Variants in AK7 observed in about 807,000 individuals in gnomAD.
The protein encoded by AK7 is adenylate kinase 7.
A neutral mutation model predicts 96.6 loss-of-function variants in AK7; 78 were observed. The observed-to-expected ratio is 0.81, with a 90% CI of 0.67 to 0.97. The LOEUF (loss-of-function observed/expected upper bound fraction) is 0.97, where lower values mean the gene tolerates loss of function less well. AK7 is among the 50% of genes least tolerant of loss of function. The probability of loss-of-function intolerance (pLI) is 0.00; values close to 1 mark genes in which losing one functional copy is unlikely to be tolerated. For missense variants in AK7, 855 were observed against 887.9 expected (o/e 0.96, Z 0.47); for synonymous variants, 302 against 317.2 (o/e 0.95, Z 0.51).
intron 8 of AK7, 98 bp from the exon 9 acceptor site, chr14:96,449,704 G>A: frequency 1.2e-6 from 1 of 855,600 alleles, no homozygotes; most frequent in East Asian, 2.8e-5. Context: ...AAAGTGCTGG[G>A]ATTACAGGCG....
At chr14:96,437,974 A>G in intron 6 of AK7, 59 bp downstream of exon 6, 1 of 1,504,698 alleles carries the variant, frequency 6.6e-7, no homozygotes, top group East Asian at 2.3e-5. Context: ...CAGATACGCA[A>G]TTTGAAGGTG....
At chr14:96,480,439 A>G (rs1468239452) in intron 15 of AK7, among the ~76,000 whole-genome samples, 1 of 152,096 alleles carries the variant, frequency 6.6e-6, no homozygotes, top group Admixed American at 6.5e-5. Context: ...CAAAAAAAAA[A>G]AAAGAAATAC....
At position 96,456,884 on chromosome 14, in the gene AK7, C is replaced by T. The variant is rs529897270; in HGVS notation, c.1227+409C>T. The T allele has an allele frequency of 8.2e-4, 159 of 192,768 alleles. 2 individuals are homozygous for T. Among genetic ancestry groups the T allele is most frequent in the African/African-American group, 3.5e-3 (152 of 42,906 alleles). The allele number at this position is 192,768 out of a possible 1,614,324, so 11.9% of individuals were successfully genotyped here. A position where few individuals can be genotyped will look rare whatever the true frequency, so the allele number is the denominator to read the frequency against. On this transcript the variant is annotated intron_variant, in intron 11 of 17. Transcript: ENST00000267584. ...CTTGGGAGGATGTCTGGGCTGCCCC[C>T]GGAGCCACAGTGTCCTGGGACACCA...
At chr14:96,422,271 G>C (rs1196731002) in intron 5 of AK7, among the ~76,000 whole-genome samples, 1 of 152,210 alleles carries the variant, frequency 6.6e-6, no homozygotes, top group Non-Finnish European at 1.5e-5. Flanking sequence ...TTCTAACAGA[G>C]CCTTAAAACA....
intron 15 of AK7, among the ~76,000 whole-genome samples, chr14:96,482,240 C>A (rs1319821260): frequency 1.3e-5 from 2 of 151,380 alleles, no homozygotes; most frequent in African/African-American, 4.9e-5. Context: ...TCTATAAAAA[C>A]AAAACAAAAC....
intron 16 of AK7, among the ~76,000 whole-genome samples, chr14:96,485,569 G>C (rs574833379): frequency 2.0e-5 from 3 of 152,316 alleles, no homozygotes; most frequent in Non-Finnish European, 2.9e-5. Context: ...CTGGCAAGTA[G>C]TGTGCATCAC....
At chr14:96,460,306 C>T (rs941723826) in intron 12 of AK7, among the ~76,000 whole-genome samples, 2 of 152,194 alleles carry the variant, frequency 1.3e-5, no homozygotes, top group Non-Finnish European at 2.9e-5. Context: ...GTATCGCCTT[C>T]GGACTCATCT....
chr14:96,446,141 C>G (rs1893218042), intron 7 of AK7, among the ~76,000 whole-genome samples: 1 of 151,578 alleles, frequency 6.6e-6, no homozygotes, highest in East Asian at 1.9e-4. Context: ...CACACGAGCC[C>G]CTAGATGGGG....
chr14:96,404,051 T>C (rs1436801492), intron 2 of AK7, among the ~76,000 whole-genome samples: 1 of 149,532 alleles, frequency 6.7e-6, no homozygotes, highest in Non-Finnish European at 1.5e-5. Context: ...GGCTGAGGTA[T>C]GAGAACCACT....
At chr14:96,471,656 C>T (rs1183383302) in intron 13 of AK7, 50 bp downstream of exon 13, 2 of 1,392,126 alleles carry the variant, frequency 1.4e-6, no homozygotes, top group Non-Finnish European at 9.5e-7. Context: ...TAAGTTGCAA[C>T]TTTATTGTTC....
chr14:96,407,326 G>T (rs1890765056), intron 3 of AK7, among the ~76,000 whole-genome samples: 2 of 152,158 alleles, frequency 1.3e-5, no homozygotes, highest in South Asian at 4.1e-4. Context: ...ACTAAAAATA[G>T]AAACAAAAGT....
At chr14:96,482,843 G>A (rs982523431) in intron 15 of AK7, 156 bp from the exon 16 acceptor site, 2 of 845,780 alleles carry the variant, frequency 2.4e-6, no homozygotes, top group African/African-American at 1.7e-5. Flanking sequence ...GCCCGTGAGA[G>A]AAGAAATTCT....
At chr14:96,439,754 G>C (rs905987145) in intron 6 of AK7, among the ~76,000 whole-genome samples, 2 of 151,752 alleles carry the variant, frequency 1.3e-5, no homozygotes, top group Middle Eastern at 6.8e-3. Context: ...CCTACAAATT[G>C]ACCGCTAAAT....
rs543208617 is a variant in AK7, at chr14:96,398,242, C to G, written c.273C>G (p.Asp91Glu). 21 of 1,613,300 alleles carry G rather than the reference C, an allele frequency of 1.3e-5. No homozygotes were observed. In the South Asian group the frequency reaches 2.2e-4, roughly 17 times the overall value. The change falls in exon 2 of 18, where the codon GAC becomes GAG. Residue 91 changes from aspartate to glutamate, a missense_variant. Coordinates refer to ENST00000267584, the MANE Select transcript of AK7 (RefSeq NM_152327.5). ...CCAAGCCTGACAGCCCGCGGCCTGA[C>G]TTTGCGGTGGAGACGTACTCTGTAA... ...TLSKPDSPRP[D>E]FAVETYSAIS... is the part of the protein sequence containing the mutation.
chr14:96,434,973 C>A (rs1254506942), intron 5 of AK7, among the ~76,000 whole-genome samples: 1 of 152,226 alleles, frequency 6.6e-6, no homozygotes, highest in East Asian at 1.9e-4. Flanking sequence ...TGGGACTCAC[C>A]CTTCAGATGG....
chr14:96,488,051 T>C (rs552919227), intron 17 of AK7: 24 of 403,460 alleles, frequency 5.9e-5, no homozygotes, highest in South Asian at 5.3e-4. Context: ...TAGCTGGGAT[T>C]ACAGGCGCCT....
chr14:96,431,320 C>T (rs1006290763), intron 5 of AK7, among the ~76,000 whole-genome samples: 1 of 152,064 alleles, frequency 6.6e-6, no homozygotes, highest in Non-Finnish European at 1.5e-5. Flanking sequence ...TTTGTTTGCT[C>T]TTGCTTCTCT....
rs766117592 is a variant in AK7, at chr14:96,456,467, G to A, written c.1219G>A (p.Ala407Thr). ...QLKDVISEAI[A>T]KLEAIVAPND... ...GAAGGATGTCATTTCTGAAGCCATAGCAAAACTGGTAACACTTTAAACTAT... is the reference window on the plus strand; with the variant it reads ...GAAGGATGTCATTTCTGAAGCCATAACAAAACTGGTAACACTTTAAACTAT... The change falls in exon 11 of 18, where the codon GCA (alanine) becomes ACA (threonine). Residue 407 changes from alanine to threonine, a missense_variant. By Grantham distance (58) the Ala-to-Thr change is moderately conservative (BLOSUM62 0). Coordinates refer to ENST00000267584, the MANE Select transcript of AK7 (RefSeq NM_152327.5). 6.2e-7 allele frequency: 1 copy of A among 1,613,458 alleles called. No homozygotes were observed. The highest frequency in any genetic ancestry group is 8.5e-7 in the Non-Finnish European group (1 of 1,179,648).
chr14:96,421,805 C>T (rs1891715620), intron 5 of AK7, among the ~76,000 whole-genome samples: 1 of 152,056 alleles, frequency 6.6e-6, no homozygotes, highest in African/African-American at 2.4e-5. Context: ...CAGAGTTCCA[C>T]CATGTTAGCC....
Sources: gnomAD v4.1 joint callset for allele counts (sites outside exome capture counted in the v4.1 genomes callset) on GRCh38, gnomAD v4.1.1 for gene constraint, MANE v1.5 for transcripts, NCBI Gene and HGNC (gene_info 2026-07-23, HGNC 2026-07-21) for gene names.